ATP6V1B1: variants seen among roughly 807,000 people sequenced by gnomAD.
ATP6V1B1 encodes ATPase H+ transporting V1 subunit B1, also known as V-type proton ATPase subunit B, kidney isoform.
ATP6V1B1 carries 41 observed loss-of-function variants against 62.1 expected under a neutral mutation model. The observed-to-expected ratio is 0.66, with a 90% CI of 0.51 to 0.86. The LOEUF (loss-of-function observed/expected upper bound fraction) is 0.86. ATP6V1B1 is among the 40% of genes least tolerant of loss of function. The pLI, the probability that ATP6V1B1 is intolerant of heterozygous loss-of-function variation, is 0.00. For missense variants in ATP6V1B1, 651 were observed against 697.5 expected, an observed-to-expected ratio of 0.93 and a Z score of 0.75; for synonymous variants, 253 against 273.4, an observed-to-expected ratio of 0.93 and a Z score of 0.74.
chr2:70,941,045 G>A (rs1553416342), intron 1 of ATP6V1B1: 1 of 535,440 alleles, frequency 1.9e-6, no homozygotes, highest in Non-Finnish European at 2.4e-6. Flanking sequence ...AGCCTCCTGA[G>A]AGCTGGGACC....
chr2:70,940,817 A>G (rs1038997018), intron 1 of ATP6V1B1: 7 of 985,356 alleles, frequency 7.1e-6, no homozygotes, highest in Middle Eastern at 5.2e-4. Flanking sequence ...TGATGTGGGA[A>G]GTATGAGAAG....
chr2:70,960,326 C>T (rs1680556526), intron 6 of ATP6V1B1, among the ~76,000 whole-genome samples: 1 of 152,180 alleles, frequency 6.6e-6, no homozygotes. Context: ...AGTAGAAAGT[C>T]CTGCTTGGGG....
chr2:70,955,912 C>G (rs1446151935), intron 2 of ATP6V1B1: 2 of 158,882 alleles, frequency 1.3e-5, no homozygotes, highest in Non-Finnish European at 2.9e-5. Context: ...ATCTAGGAAG[C>G]TGGCAGCCAG....
intron 1 of ATP6V1B1, chr2:70,938,878 A>G (rs1414965015): frequency 1.2e-6 from 1 of 849,460 alleles, no homozygotes; most frequent in East Asian, 1.2e-4. Flanking sequence ...CAGATCCCTG[A>G]AGATCCCCCA....
intron 2 of ATP6V1B1, among the ~76,000 whole-genome samples, chr2:70,947,860 C>G (rs782185654): frequency 1.3e-5 from 2 of 152,174 alleles, no homozygotes; most frequent in Non-Finnish European, 2.9e-5. Context: ...TTGATGGGAT[C>G]AGGCCTGCTC....
At position 70,963,185 on chromosome 2, in the gene ATP6V1B1, G is replaced by A. The variant is rs1553420410; in HGVS notation, c.933G>A (p.Val311=). The A allele has an allele frequency of 6.2e-7, 1 of 1,614,050 alleles. No individual in the cohort carries two copies. The highest frequency in any genetic ancestry group is 1.3e-5 in the African/African-American group (1 of 75,006). Residue 311 remains valine, a synonymous_variant, in exon 10 of 14, where the codon GTG becomes GTA. Coordinates refer to ENST00000234396, the MANE Select transcript of ATP6V1B1 (RefSeq NM_001692.4). This position sits in a 1 kb window ranked among gnomAD's most constrained non-coding sequence, Gnocchi z 4.3. ...LREVSAAREE[V]PGRRGFPGYM... Reference sequence around the variant, plus strand: ...AGGTCTCTGCTGCTAGAGAGGAGGTGCCTGGGCGCCGAGGGTTTCCTGGAT... The same window carrying A: ...AGGTCTCTGCTGCTAGAGAGGAGGTACCTGGGCGCCGAGGGTTTCCTGGAT...
intron 1 of ATP6V1B1, chr2:70,942,477 C>T: frequency 2.5e-6 from 1 of 398,506 alleles, no homozygotes; most frequent in Non-Finnish European, 4.4e-6. Flanking sequence ...GAAGCTTGAC[C>T]ACACATATCC....
At chr2:70,941,844 C>G (rs1189347956) in intron 1 of ATP6V1B1, 1 of 985,854 alleles carries the variant, frequency 1.0e-6, no homozygotes, top group Non-Finnish European at 1.2e-6. Flanking sequence ...AGGAGGCTGA[C>G]AGGCGGCCCC....
chr2:70,964,016 G>C (rs2104832904), intron 11 of ATP6V1B1: 1 of 435,042 alleles, frequency 2.3e-6, no homozygotes, highest in Non-Finnish European at 4.3e-6. Flanking sequence ...CCAGTTATTT[G>C]CTTCGGTGGG....
chr2:70,964,006 C>A, intron 11 of ATP6V1B1: 1 of 445,398 alleles, frequency 2.2e-6, no homozygotes, highest in East Asian at 4.6e-5. Context: ...CCTTCCCTTT[C>A]CAGTTATTTG....
chr2:70,945,699 G>GATTATATAT (rs1450719874), intron 2 of ATP6V1B1, among the ~76,000 whole-genome samples: 4 of 70,100 alleles, frequency 5.7e-5, no homozygotes, highest in African/African-American at 2.0e-4. Flanking sequence ...GCTATTTGAA[G>GATTATATAT]AGATATATAT....
intron 4 of ATP6V1B1, 92 bp from the exon 5 acceptor site, chr2:70,958,926 G>T: frequency 7.9e-7 from 1 of 1,268,320 alleles, no homozygotes; most frequent in Non-Finnish European, 1.1e-6. Context: ...TGTGGGGAGT[G>T]GGTGGGAGCT....
chr2:70,944,005 C>T (rs533515982), intron 2 of ATP6V1B1: 4 of 985,218 alleles, frequency 4.1e-6, no homozygotes, highest in East Asian at 1.1e-4. Flanking sequence ...CTCCGTTTCC[C>T]TATCAGTGGC....
intron 1 of ATP6V1B1, chr2:70,942,392 T>C (rs1180014783): frequency 2.5e-6 from 1 of 398,600 alleles, no homozygotes; most frequent in Non-Finnish European, 4.4e-6. Flanking sequence ...TAAAAATCTG[T>C]GCAAGAATCA....
At chr2:70,960,778 C>A in intron 6 of ATP6V1B1, 143 bp from the exon 7 acceptor site, 2 of 332,634 alleles carry the variant, frequency 6.0e-6, no homozygotes, top group South Asian at 2.2e-5. Context: ...CCCCCCACCC[C>A]AAGAAAGACT....
chr2:70,956,832 G>A (rs544781545), intron 2 of ATP6V1B1, among the ~76,000 whole-genome samples: 5 of 152,110 alleles, frequency 3.3e-5, no homozygotes, highest in Admixed American at 6.6e-5. Context: ...TGATCCACAT[G>A]CCTCAGCCTC....
intron 2 of ATP6V1B1, among the ~76,000 whole-genome samples, chr2:70,947,982 C>A (rs113149013): frequency 3.1e-4 from 47 of 152,340 alleles, no homozygotes; most frequent in Non-Finnish European, 4.1e-4. Flanking sequence ...GATCCCACCA[C>A]CAACAACAAT....
Position 70,963,673 on chromosome 2 carries a change from C to T in ATP6V1B1, c.1143+19C>T. 1.2e-6 allele frequency: 2 copies of T among 1,606,540 alleles called. No individual in the cohort carries two copies. Among genetic ancestry groups the T allele is most frequent in the Non-Finnish European group, 1.7e-6 (2 of 1,173,018 alleles). On this transcript the variant is annotated intron_variant, in intron 11 of 13. Transcript: ENST00000234396. The surrounding 1 kb of genome is among the most constrained non-coding windows in gnomAD (Gnocchi z 4.3). ...CAGACAGGTACTGCCCTGTCCCTAC[C>T]CACTTCCTGCTCTCAGCCCAGAGAA...
chr2:70,957,528 G>C (rs1032006385), intron 2 of ATP6V1B1, among the ~76,000 whole-genome samples: 7 of 152,124 alleles, frequency 4.6e-5, no homozygotes, highest in African/African-American at 1.7e-4. Context: ...GAAGCACTTT[G>C]CGAGTGTGTT....
Sources: allele counts gnomAD v4.1 joint callset (sites outside exome capture counted in the v4.1 genomes callset), GRCh38; gene constraint gnomAD v4.1.1; non-coding constraint Gnocchi (gnomAD v3.1); transcripts MANE v1.5; gene names NCBI Gene and HGNC (gene_info 2026-07-23, HGNC 2026-07-21).